The following PTCD2 variants were observed in gnomAD, a reference collection of about 807,000 sequenced individuals.
PTCD2 encodes pentatricopeptide repeat-containing protein 2, mitochondrial.
In PTCD2, 31 loss-of-function variants were observed where a neutral mutation model predicts 42.6. The observed-to-expected ratio is 0.73, with a 90% confidence interval of 0.55 to 0.98. The LOEUF (loss-of-function observed/expected upper bound fraction) is 0.98. Among genes scored for constraint, PTCD2 ranks in the 50% least tolerant of loss-of-function variants. The pLI is 0.00. For synonymous variants in PTCD2, 183 were observed against 170.9 expected (o/e 1.07, Z -0.55); for missense variants, 476 against 454.8 (o/e 1.05, Z -0.42).
intron 2 of PTCD2, among the ~76,000 whole-genome samples, chr5:72,326,411 G>GTCCC (rs1751139452): frequency 6.6e-6 from 1 of 152,178 alleles, no homozygotes; most frequent in Non-Finnish European, 1.5e-5. Context: ...CTGTGCCCAT[G>GTCCC]TCCCTGCCTC....
chr5:72,326,067 G>C lies in PTCD2; in HGVS notation c.221-545G>C, dbSNP rs3806910. ...ATGCCTTCTAACAGCTGAGTAAAAA[G>C]AGACCAAGAGGAATGAAAAAGAGGT... On this transcript the variant is annotated intron_variant, in intron 2 of 9. Transcript: ENST00000380639. Among the ~76,000 whole-genome samples, 40 of 152,322 alleles carry C rather than the reference G, an allele frequency of 2.6e-4. 1 individual carries two copies. In the East Asian group the frequency reaches 7.7e-3, roughly 29 times the overall value.
chr5:72,345,358 C>T (rs937933046), intron 8 of PTCD2, among the ~76,000 whole-genome samples: 10 of 152,126 alleles, frequency 6.6e-5, no homozygotes, highest in Admixed American at 2.6e-4. Context: ...TTTCAAGGTG[C>T]CCACATTTCA....
intron 8 of PTCD2, among the ~76,000 whole-genome samples, chr5:72,344,068 G>A (rs1042426456): frequency 4.6e-5 from 7 of 152,156 alleles, no homozygotes; most frequent in Non-Finnish European, 1.0e-4. Flanking sequence ...GAAGGGGGTC[G>A]GGTTGGCCGG....
chr5:72,342,823 A>G (rs1424190995), intron 7 of PTCD2, 139 bp from the exon 8 acceptor site: 17 of 419,806 alleles, frequency 4.0e-5, no homozygotes, highest in Non-Finnish European at 6.2e-5. Flanking sequence ...TTTAGTTTTG[A>G]TTTCCGAAAC....
chr5:72,343,702 T>A (rs1328707400), intron 8 of PTCD2, among the ~76,000 whole-genome samples: 1 of 152,064 alleles, frequency 6.6e-6, no homozygotes, highest in Non-Finnish European at 1.5e-5. Flanking sequence ...GAAAAAAAAT[T>A]ATCTCAGATT....
intron 6 of PTCD2, among the ~76,000 whole-genome samples, chr5:72,337,894 G>A (rs1405990749): frequency 1.3e-5 from 2 of 152,114 alleles, no homozygotes; most frequent in Admixed American, 6.5e-5. Context: ...GTGGAGATGA[G>A]TTGAAAAAGT....
intron 9 of PTCD2, 106 bp from the exon 10 acceptor site, chr5:72,358,097 C>T (rs979055684): frequency 3.9e-6 from 4 of 1,021,888 alleles, no homozygotes; most frequent in African/African-American, 1.6e-5. Context: ...CCTCGCCTGG[C>T]CTACCATACA....
rs1315024429 is a variant in PTCD2, at chr5:72,358,193, T to G, written c.943-10T>G. ...CAGAGATGTAATGATGTGTTCTTGCTTTTTTCCAGCTGGCCAAAGTGAGGG... is the reference window on the plus strand; with the variant it reads ...CAGAGATGTAATGATGTGTTCTTGCGTTTTTCCAGCTGGCCAAAGTGAGGG... On this transcript the variant is annotated splice_polypyrimidine_tract_variant and intron_variant, in intron 9 of 9. Coordinates refer to ENST00000380639, the MANE Select transcript of PTCD2 (RefSeq NM_024754.5). 8.7e-6 allele frequency: 14 copies of G among 1,608,816 alleles called. 1 individual carries two copies. The highest frequency in any genetic ancestry group is 4.2e-6 in the Non-Finnish European group (5 of 1,176,748).
In PTCD2 at chr5:72,366,844, C is replaced by T. The variant is rs1385426081; in HGVS notation, c.*8417C>T. 1 of 152,206 alleles carries T rather than the reference C, an allele frequency of 6.6e-6. No individual in the cohort carries two copies. The highest frequency in any genetic ancestry group is 1.5e-5 in the Non-Finnish European group (1 of 68,038). 9.4% of individuals were successfully genotyped at this position (152,206 alleles called of 1,614,324 possible). A position where few individuals can be genotyped will look rare whatever the true frequency, so the allele number is the denominator to read the frequency against. On this transcript the variant is annotated 3_prime_UTR_variant, in exon 10 of 10. Coordinates refer to ENST00000380639, the MANE Select transcript of PTCD2 (RefSeq NM_024754.5). ...GCGTGTACACGTGAGCACACATGCA[C>T]ACACACATTAGATGTTTTGTGAGAA...
rs1753156459 is a variant in PTCD2, at chr5:72,364,431, T to C, written c.*6004T>C. ...TGTTTTGTAAAACCAGTTGTCTGTGTCATTTATTTTAACATGTAAAGTACA... is the reference window on the plus strand; with the variant it reads ...TGTTTTGTAAAACCAGTTGTCTGTGCCATTTATTTTAACATGTAAAGTACA... On this transcript the variant is annotated 3_prime_UTR_variant, in exon 10 of 10. Transcript: ENST00000380639. 6.6e-6 allele frequency: 1 copy of C among 152,212 alleles called. No homozygotes were observed. Among genetic ancestry groups the C allele is most frequent in the African/African-American group, 2.4e-5 (1 of 41,438 alleles). 9.4% of individuals were successfully genotyped at this position (152,212 alleles called of 1,614,324 possible).
At chr5:72,349,172 T>C (rs1752501014) in intron 8 of PTCD2, among the ~76,000 whole-genome samples, 1 of 152,244 alleles carries the variant, frequency 6.6e-6, no homozygotes, top group Admixed American at 6.5e-5. Context: ...ATGTTTCTAC[T>C]CTACCATCTT....
intron 3 of PTCD2, among the ~76,000 whole-genome samples, chr5:72,329,082 CTA>C (rs1344699795): frequency 6.6e-6 from 1 of 152,200 alleles, no homozygotes; most frequent in African/African-American, 2.4e-5. Context: ...CTACACAAAG[CTA>C]TTCAATGTTT....
intron 2 of PTCD2, among the ~76,000 whole-genome samples, chr5:72,322,750 TGAAAC>T (rs897533329): frequency 9.2e-4 from 140 of 152,334 alleles, no homozygotes; most frequent in African/African-American, 3.2e-3. Flanking sequence ...TGAAATCAAA[TGAAAC>T]AAAACAGTAC....
chr5:72,345,424 C>G (rs370928640), intron 8 of PTCD2, among the ~76,000 whole-genome samples: 1 of 152,292 alleles, frequency 6.6e-6, no homozygotes, highest in South Asian at 2.1e-4. Flanking sequence ...GCAATCATCA[C>G]AGGGTCCTGA....
Position 72,329,074 on chromosome 5 carries a change from A to G in PTCD2, c.351-2184A>G, listed in dbSNP as rs185487188. ...TGGCATGTTTTCCTCTCATTTTACT[A>G]CACAAAGCTATTCAATGTTTATAAG... On this transcript the variant is annotated intron_variant, in intron 3 of 9. Transcript: ENST00000380639. Among the ~76,000 whole-genome samples the G allele has an allele frequency of 3.3e-3, 497 of 152,366 alleles. 4 individuals are homozygous for G. The highest frequency in any genetic ancestry group is 6.0e-3 in the Non-Finnish European group (408 of 68,036).
At chr5:72,331,414 G>GT (rs568764904) in intron 4 of PTCD2, 39 bp downstream of exon 4, 16 of 1,389,402 alleles carry the variant, frequency 1.2e-5, no homozygotes, top group Admixed American at 1.7e-5. Context: ...CAATGTGTGT[G>GT]TTTTTGGTGA....
At chr5:72,335,748 C>T (rs1751702843) in intron 5 of PTCD2, 46 bp from the exon 6 acceptor site, 1 of 1,265,310 alleles carries the variant, frequency 7.9e-7, no homozygotes, top group Admixed American at 1.7e-5. Context: ...TGGGGGCCAA[C>T]AGTAGAGGAA....
At position 72,362,390 on chromosome 5, in the gene PTCD2, C is replaced by T. The variant is rs543208706; in HGVS notation, c.*3963C>T. 8.5e-5 allele frequency: 13 copies of T among 152,316 alleles called. No individual in the cohort carries two copies. The highest frequency in any genetic ancestry group is 2.6e-4 in the African/African-American group (11 of 41,574). 9.4% of individuals were successfully genotyped at this position (152,316 alleles called of 1,614,324 possible). On this transcript the variant is annotated 3_prime_UTR_variant, in exon 10 of 10. Coordinates refer to ENST00000380639, the MANE Select transcript of PTCD2 (RefSeq NM_024754.5). Reference sequence around the variant, plus strand: ...ATGGGCTCTCACTAGACACCAAATGCTGGTGTCTTGTTCTTGGATTTCCCA... The same window carrying T: ...ATGGGCTCTCACTAGACACCAAATGTTGGTGTCTTGTTCTTGGATTTCCCA...
Position 72,320,377 on chromosome 5 carries a change from G to C in PTCD2, c.-6G>C. 1.2e-6 allele frequency: 2 copies of C among 1,613,634 alleles called. No homozygotes were observed. The highest frequency in any genetic ancestry group is 1.7e-6 in the Non-Finnish European group (2 of 1,179,758). ...CCGCCTCCTCGCCCCGGTTCCAGTAGTTGGTATGGTCCGAGACAGTATGGC... is the reference window on the plus strand; with the variant it reads ...CCGCCTCCTCGCCCCGGTTCCAGTACTTGGTATGGTCCGAGACAGTATGGC... On this transcript the variant is annotated 5_prime_UTR_variant, in exon 1 of 10. Transcript: ENST00000380639.
Sources: allele counts gnomAD v4.1 joint callset (sites outside exome capture counted in the v4.1 genomes callset), GRCh38; gene constraint gnomAD v4.1.1; transcripts MANE v1.5; gene names NCBI Gene and HGNC (gene_info 2026-07-23, HGNC 2026-07-21).